The following ASB18 variants were observed in gnomAD, a reference collection of about 807,000 sequenced individuals.
ASB18 encodes the protein ankyrin repeat and SOCS box containing 18.
Under a neutral mutation model 33.4 loss-of-function variants are expected in ASB18, and 33 were observed. That is an observed-to-expected ratio of 0.99 (90% confidence interval 0.75 to 1.32). ASB18 has a LOEUF of 1.32. Ranked by LOEUF, ASB18 falls within the 40% of genes most tolerant of loss-of-function variation. The probability of loss-of-function intolerance (pLI) is 0.00; values close to 1 mark genes in which losing one functional copy is unlikely to be tolerated. For synonymous variants in ASB18, 295 were observed against 307.6 expected (o/e 0.96, Z 0.43); for missense variants, 694 against 655.5 (o/e 1.06, Z -0.64).
rs143763725 is a variant in ASB18, at chr2:236,238,744, C to T, written c.329-788G>A. On this transcript the variant is annotated intron_variant, in intron 2 of 5. Transcript: ENST00000409749. The surrounding 1 kb of genome is among the most constrained non-coding windows in gnomAD (Gnocchi z 5.2). ...AAGGTTGTTAGCGGCCAGGAGCGCT[C>T]GTGGAAATGGGGGATGTAGTCCCTG... Among the ~76,000 whole-genome samples the T allele has an allele frequency of 8.5e-3, 1,294 of 152,078 alleles. 8 individuals carry two copies. The highest frequency in any genetic ancestry group is 0.012 in the Non-Finnish European group (824 of 68,004).
In ASB18 at chr2:236,196,050, C is replaced by T; in HGVS notation, c.1215+222G>A. On this transcript the variant is annotated intron_variant, in intron 5 of 5. Coordinates refer to ENST00000409749, the MANE Select transcript of ASB18 (RefSeq NM_212556.4). The surrounding 1 kb of genome is among the most constrained non-coding windows in gnomAD (Gnocchi z 5.6). Reference sequence around the variant, plus strand: ...TCAGGCCAGCACGGGGCTCTGAGCTCCTTGAGGCCATGGCACCGCAACTAC... The same window carrying T: ...TCAGGCCAGCACGGGGCTCTGAGCTTCTTGAGGCCATGGCACCGCAACTAC... 1.8e-6 allele frequency: 1 copy of T among 568,004 alleles called. No homozygotes were observed. Among genetic ancestry groups the T allele is most frequent in the Non-Finnish European group, 3.3e-6 (1 of 306,882 alleles). 35.2% of individuals were successfully genotyped at this position (568,004 alleles called of 1,614,324 possible).
intron 4 of ASB18, among the ~76,000 whole-genome samples, chr2:236,199,372 A>T (rs2060388094): frequency 6.7e-6 from 1 of 150,356 alleles, no homozygotes. Flanking sequence ...AGATCATGCC[A>T]CTGCACTCCA....
Position 236,196,434 on chromosome 2 carries a change from T to G in ASB18, c.1102-49A>C. ...CAGCGTAGGCCGACTGGGTTCTGGGTCTCAGTGGGGAAAGGGTGGGGGGTG... is the reference window on the plus strand; with the variant it reads ...CAGCGTAGGCCGACTGGGTTCTGGGGCTCAGTGGGGAAAGGGTGGGGGGTG... On this transcript the variant is annotated intron_variant, in intron 4 of 5. Coordinates refer to ENST00000409749, the MANE Select transcript of ASB18 (RefSeq NM_212556.4). This position sits in a 1 kb window ranked among gnomAD's most constrained non-coding sequence, Gnocchi z 5.6. 2.0e-6 allele frequency: 2 copies of G among 1,022,028 alleles called. No homozygotes were observed. The highest frequency in any genetic ancestry group is 1.5e-6 in the Non-Finnish European group (1 of 667,188). 63.3% of individuals were successfully genotyped at this position (1,022,028 alleles called of 1,614,324 possible). A position where few individuals can be genotyped will look rare whatever the true frequency, so the allele number is the denominator to read the frequency against.
Position 236,238,063 on chromosome 2 carries a change from G to A in ASB18, c.329-107C>T. On this transcript the variant is annotated intron_variant, in intron 2 of 5. Transcript: ENST00000409749. The surrounding 1 kb of genome is among the most constrained non-coding windows in gnomAD (Gnocchi z 5.2). ...AAGTGAAGCCGTCTCTTAAAGGTAG[G>A]TACCAGGTAGGCATGTAGGGAGAAG... The A allele has an allele frequency of 2.1e-6, 2 of 932,838 alleles. No homozygotes were observed. Among genetic ancestry groups the A allele is most frequent in the Non-Finnish European group, 2.9e-6 (2 of 681,606 alleles). The allele number at this position is 932,838 out of a possible 1,614,324, so 57.8% of individuals were successfully genotyped here. A position where few individuals can be genotyped will look rare whatever the true frequency, so the allele number is the denominator to read the frequency against.
At chr2:236,218,304 C>T (rs932842903) in intron 3 of ASB18, among the ~76,000 whole-genome samples, 1 of 151,458 alleles carries the variant, frequency 6.6e-6, no homozygotes, top group Non-Finnish European at 1.5e-5. Flanking sequence ...AGCAGAACCA[C>T]GGGCATGGGA....
chr2:236,201,744 A>G (rs2060404108), intron 4 of ASB18, among the ~76,000 whole-genome samples: 2 of 150,960 alleles, frequency 1.3e-5, no homozygotes. Flanking sequence ...AGAATCACCT[A>G]AATTATTTTT....
In ASB18 at chr2:236,223,721, C is replaced by A. The variant is rs1025509799; in HGVS notation, c.597-8855G>T. Reference sequence around the variant, plus strand: ...AGTCAGTCATAACCCCCGTAGGCAACCACTGTGCTGATTTTTCTCACAGTG... The same window carrying A: ...AGTCAGTCATAACCCCCGTAGGCAAACACTGTGCTGATTTTTCTCACAGTG... On this transcript the variant is annotated intron_variant, in intron 3 of 5. Coordinates refer to ENST00000409749, the MANE Select transcript of ASB18 (RefSeq NM_212556.4). This position sits in a 1 kb window ranked among gnomAD's most constrained non-coding sequence, Gnocchi z 4.6. Among the ~76,000 whole-genome samples, 1 of 152,194 alleles carries A rather than the reference C, an allele frequency of 6.6e-6. No homozygotes were observed. Among genetic ancestry groups the A allele is most frequent in the Non-Finnish European group, 1.5e-5 (1 of 68,030 alleles).
intron 4 of ASB18, among the ~76,000 whole-genome samples, chr2:236,212,898 G>A (rs2060465673): frequency 6.6e-6 from 1 of 152,174 alleles, no homozygotes; most frequent in Non-Finnish European, 1.5e-5. Flanking sequence ...CCAAAGTGCT[G>A]GGATTACAGG....
chr2:236,224,644 C>T (rs113324202), intron 3 of ASB18, among the ~76,000 whole-genome samples: 11 of 152,218 alleles, frequency 7.2e-5, no homozygotes, highest in East Asian at 1.9e-4. Context: ...TACTGGTTTC[C>T]GTTCTGTGCA....
chr2:236,205,243 CT>C lies in ASB18; in HGVS notation c.1102-8859del, dbSNP rs1159901590. Among the ~76,000 whole-genome samples, 3 of 152,216 alleles carry C rather than the reference CT, an allele frequency of 2.0e-5. No individual in the cohort carries two copies. The highest frequency in any genetic ancestry group is 4.4e-5 in the Non-Finnish European group (3 of 68,046). On this transcript the variant is annotated intron_variant, in intron 4 of 5. Coordinates refer to ENST00000409749, the MANE Select transcript of ASB18 (RefSeq NM_212556.4). This position sits in a 1 kb window ranked among gnomAD's most constrained non-coding sequence, Gnocchi z 5.4. ...ACCTGTGCCCTCTCCCTTACCACCC[CT>C]AATCTCATCTCCTACTCCCATCCCA...
chr2:236,253,535 C>CTTATTATTA lies in ASB18; in HGVS notation c.205+10597_205+10605dup, dbSNP rs56904956. Among the ~76,000 whole-genome samples, 2 of 146,118 alleles carry CTTATTATTA rather than the reference C, an allele frequency of 1.4e-5. No homozygotes were observed. Among genetic ancestry groups the CTTATTATTA allele is most frequent in the Non-Finnish European group, 3.0e-5 (2 of 66,498 alleles). Reference sequence around the variant, plus strand: ...GGGACTACAGCCACTTGCTGGTTAACTTATTATTATTATTATTATTATTAT... The same window carrying CTTATTATTA: ...GGGACTACAGCCACTTGCTGGTTAACTTATTATTATTATTATTATTATTATTATTATTAT... On this transcript the variant is annotated intron_variant, in intron 1 of 5. Coordinates refer to ENST00000409749, the MANE Select transcript of ASB18 (RefSeq NM_212556.4). This position sits in a 1 kb window ranked among gnomAD's most constrained non-coding sequence, Gnocchi z 5.4.
rs573979863 is a variant in ASB18, at chr2:236,223,079, G to A, written c.597-8213C>T. ...CCTGCTTTCACTGTGTGGTGTGCCT[G>A]CTTGCTGTTTGCCTTCTGCCATGAG... On this transcript the variant is annotated intron_variant, in intron 3 of 5. Transcript: ENST00000409749. This position sits in a 1 kb window ranked among gnomAD's most constrained non-coding sequence, Gnocchi z 4.6. Among the ~76,000 whole-genome samples, 4 of 152,290 alleles carry A rather than the reference G, an allele frequency of 2.6e-5. No homozygotes were observed. The highest frequency in any genetic ancestry group is 4.2e-4 in the South Asian group (2 of 4,818).
rs1177927095 is a variant in ASB18 at position 236,211,010 on chromosome 2, C to G, written c.1101+3352G>C. Among the ~76,000 whole-genome samples, 1 of 152,218 alleles carries G rather than the reference C, an allele frequency of 6.6e-6. No homozygotes were observed. Among genetic ancestry groups the G allele is most frequent in the Non-Finnish European group, 1.5e-5 (1 of 68,042 alleles). On this transcript the variant is annotated intron_variant, in intron 4 of 5. Transcript: ENST00000409749. The surrounding 1 kb of genome is among the most constrained non-coding windows in gnomAD (Gnocchi z 5.0). ...CTTGGAAAAAGATCACATGGGACTTCATGACTGTTTCACAGATTCGTATTC... is the reference window on the plus strand; with the variant it reads ...CTTGGAAAAAGATCACATGGGACTTGATGACTGTTTCACAGATTCGTATTC...
chr2:236,259,686 G>A lies in ASB18; in HGVS notation c.205+4455C>T. On this transcript the variant is annotated intron_variant, in intron 1 of 5. Transcript: ENST00000409749. The surrounding 1 kb of genome is among the most constrained non-coding windows in gnomAD (Gnocchi z 4.4). ...AGAGCGTGGGGGGCTCAGCCTCAGTGAGCCCAGCAGGATGTTGGGCATCTC... is the reference window on the plus strand; with the variant it reads ...AGAGCGTGGGGGGCTCAGCCTCAGTAAGCCCAGCAGGATGTTGGGCATCTC... The A allele has an allele frequency of 2.3e-6, 1 of 437,806 alleles. No individual in the cohort carries two copies. Among genetic ancestry groups the A allele is most frequent in the Admixed American group, 2.4e-5 (1 of 41,192 alleles). 27.1% of individuals were successfully genotyped at this position (437,806 alleles called of 1,614,324 possible). A position where few individuals can be genotyped will look rare whatever the true frequency, so the allele number is the denominator to read the frequency against.
intron 4 of ASB18, among the ~76,000 whole-genome samples, chr2:236,201,975 A>G (rs1228618572): frequency 6.6e-6 from 1 of 151,110 alleles, no homozygotes; most frequent in African/African-American, 2.4e-5. Context: ...TTTGAGACAG[A>G]GCCTCACTCT....
intron 3 of ASB18, among the ~76,000 whole-genome samples, chr2:236,224,948 C>T (rs1251797899): frequency 6.6e-6 from 1 of 152,052 alleles, no homozygotes; most frequent in Non-Finnish European, 1.5e-5. Context: ...ATCAGTCACT[C>T]ACCTGGGATG....
chr2:236,218,119 G>T (rs548524541), intron 3 of ASB18, among the ~76,000 whole-genome samples: 2 of 152,106 alleles, frequency 1.3e-5, no homozygotes, highest in African/African-American at 4.8e-5. Flanking sequence ...GCTTTTCCAC[G>T]TGCACAGCCT....
At position 236,257,169 on chromosome 2, in the gene ASB18, G is replaced by A. The variant is rs1287828911; in HGVS notation, c.205+6972C>T. 6.6e-6 allele frequency among the ~76,000 whole-genome samples: 1 copy of A among 152,212 alleles called. No homozygotes were observed. The highest frequency in any genetic ancestry group is 1.9e-4 in the East Asian group (1 of 5,200). ...CAATCAGCGTTAATTAAGAAGATGG[G>A]ACAATAATTTGTGCATAATTCCGGA... On this transcript the variant is annotated intron_variant, in intron 1 of 5. Coordinates refer to ENST00000409749, the MANE Select transcript of ASB18 (RefSeq NM_212556.4). The surrounding 1 kb of genome is among the most constrained non-coding windows in gnomAD (Gnocchi z 5.5).
intron 4 of ASB18, among the ~76,000 whole-genome samples, chr2:236,198,321 A>AT (rs1191878777): frequency 2.0e-5 from 3 of 151,974 alleles, no homozygotes; most frequent in Non-Finnish European, 4.4e-5. Flanking sequence ...TTGAAATCTG[A>AT]TTTTTTTCCA....
Sources: gnomAD v4.1 joint callset for allele counts (sites outside exome capture counted in the v4.1 genomes callset) on GRCh38, gnomAD v4.1.1 for gene constraint, Gnocchi (gnomAD v3.1) non-coding constraint, MANE v1.5 for transcripts, NCBI Gene and HGNC (gene_info 2026-07-23, HGNC 2026-07-21) for gene names.